The following IGF2BP1 variants were observed in gnomAD, a reference collection of about 807,000 sequenced individuals.
The protein encoded by IGF2BP1 is insulin-like growth factor 2 mRNA-binding protein 1.
In IGF2BP1, 11 loss-of-function variants were observed where a neutral mutation model predicts 74.9. That is an observed-to-expected ratio of 0.15 (90% CI 0.09 to 0.24). The LOEUF (loss-of-function observed/expected upper bound fraction) is 0.24, where lower values mean the gene tolerates loss of function less well. Ranked by LOEUF, IGF2BP1 falls within the 10% of genes least tolerant of loss-of-function variation. The pLI is 1.00. For synonymous variants in IGF2BP1, 287 were observed against 281.8 expected (o/e 1.02, Z -0.18); for missense variants, 440 against 757.4 (o/e 0.58, Z 4.92).
intron 12 of IGF2BP1, 43 bp from the exon 13 acceptor site, chr17:49,045,844 TCAC>T: frequency 6.3e-7 from 1 of 1,586,440 alleles, no homozygotes; most frequent in South Asian, 1.2e-5. Context: ...TTCTCTTTTG[TCAC>T]AGATATATGA....
chr17:49,045,109 A>G (rs774443973), intron 12 of IGF2BP1, 44 bp downstream of exon 12: 1 of 1,557,028 alleles, frequency 6.4e-7, no homozygotes, highest in Non-Finnish European at 8.9e-7. Context: ...GGAGGAATTG[A>G]GGTTGGGTAT....
chr17:49,042,518 A>C (rs2042063353), intron 9 of IGF2BP1, 141 bp downstream of exon 9: 1 of 857,626 alleles, frequency 1.2e-6, no homozygotes, highest in African/African-American at 1.7e-5. Context: ...CGACTATCAG[A>C]AATAGTATTT....
chr17:48,999,290 A>C, intron 2 of IGF2BP1, 121 bp downstream of exon 2: 1 of 647,120 alleles, frequency 1.5e-6, no homozygotes, highest in Non-Finnish European at 2.8e-6. Flanking sequence ...CCCACCCCCA[A>C]CTCCGGATGT....
intron 4 of IGF2BP1, among the ~76,000 whole-genome samples, chr17:49,027,015 AC>A (rs1375692110): frequency 7.2e-5 from 11 of 152,234 alleles, no homozygotes; most frequent in African/African-American, 2.7e-4. Flanking sequence ...TGCTGGGATT[AC>A]AGGCGTGAGC....
intron 2 of IGF2BP1, among the ~76,000 whole-genome samples, chr17:48,999,728 A>G (rs1013352837): frequency 2.7e-5 from 4 of 150,482 alleles, no homozygotes; most frequent in Non-Finnish European, 5.9e-5. Context: ...CCCACCCCCA[A>G]TCCCTCATAT....
At chr17:49,025,595 C>T (rs1324019599) in intron 2 of IGF2BP1, 23 bp from the exon 3 acceptor site, 1 of 1,610,186 alleles carries the variant, frequency 6.2e-7, no homozygotes, top group South Asian at 1.1e-5. Context: ...CTTTCTTTAA[C>T]TCTGCTCCCC....
chr17:49,035,037 A>G (rs1374953990), intron 5 of IGF2BP1, among the ~76,000 whole-genome samples: 1 of 152,248 alleles, frequency 6.6e-6, no homozygotes, highest in East Asian at 1.9e-4. Context: ...TAAAACTTAC[A>G]TCAAACTACG....
chr17:49,032,649 CTAA>C (rs2041938863), intron 5 of IGF2BP1, among the ~76,000 whole-genome samples: 1 of 152,184 alleles, frequency 6.6e-6, no homozygotes, highest in Non-Finnish European at 1.5e-5. Flanking sequence ...CTTCTCCAAT[CTAA>C]TAATACTATG....
chr17:49,042,299 C>T lies in IGF2BP1; in HGVS notation c.999C>T (p.Ile333=), dbSNP rs781124783. Residue 333 remains isoleucine (I), a synonymous_variant, in exon 9 of 15, where the codon ATC becomes ATT. Transcript: ENST00000290341. ...GGACCATCACTGTGAAGGGGGCCAT[C>T]GAGAATTGTTGCAGGGCCGAGCAGG... ...PERTITVKGA[I]ENCCRAEQEI... is the part of the protein sequence containing the mutation. The T allele has an allele frequency of 3.1e-5, 50 of 1,613,916 alleles. No individual in the cohort carries two copies. The highest frequency in any genetic ancestry group is 5.5e-5 in the South Asian group (5 of 91,076).
rs565371679 is a variant in IGF2BP1, at chr17:49,049,508, C to T, written c.*64C>T. 14 of 1,398,430 alleles carry T rather than the reference C, an allele frequency of 1.0e-5. No individual in the cohort carries two copies. The South Asian group carries it at 1.3e-4, about 13-fold the overall frequency. 86.6% of individuals were successfully genotyped at this position (1,398,430 alleles called of 1,614,324 possible). A position where few individuals can be genotyped will look rare whatever the true frequency, so the allele number is the denominator to read the frequency against. The stretch of plus-strand genomic sequence containing the variant: ...GGGCAGAAATCGAGAGTGTGCTCTC[C>T]CCGGCAGGCCTGAGAATGAGTGGGA... On this transcript the variant is annotated 3_prime_UTR_variant, in exon 15 of 15. Coordinates refer to ENST00000290341, the MANE Select transcript of IGF2BP1 (RefSeq NM_006546.4).
chr17:49,016,821 CCCCGCCTGTCCT>C (rs1212848319), intron 2 of IGF2BP1, among the ~76,000 whole-genome samples: 2 of 140,398 alleles, frequency 1.4e-5, no homozygotes, highest in African/African-American at 2.6e-5. Flanking sequence ...CCTCCTGCCC[CCCCGCCTGTCCT>C]CCCGCCTGTC....
At position 49,055,701 on chromosome 17, in the gene IGF2BP1, TGAA is replaced by T. The variant is rs1384132327; in HGVS notation, c.*6258_*6260del. 5.8e-5 allele frequency: 23 copies of T among 398,282 alleles called. No homozygotes were observed. The highest frequency in any genetic ancestry group is 4.3e-4 in the African/African-American group (21 of 48,554). 24.7% of individuals were successfully genotyped at this position (398,282 alleles called of 1,614,324 possible). A position where few individuals can be genotyped will look rare whatever the true frequency, so the allele number is the denominator to read the frequency against. ...TTGATCCTGGTCCCCAAAACCAGAG[TGAA>T]TCAAAAGAGCTTCCTCCCCTGAGGC... is the stretch of plus-strand genomic sequence containing the variant. On this transcript the variant is annotated 3_prime_UTR_variant, in exon 15 of 15. Coordinates refer to ENST00000290341, the MANE Select transcript of IGF2BP1 (RefSeq NM_006546.4).
chr17:49,051,874 C>G lies in IGF2BP1; in HGVS notation c.*2430C>G, dbSNP rs1416406372. 1.3e-5 allele frequency: 2 copies of G among 151,556 alleles called. No individual in the cohort carries two copies. The highest frequency in any genetic ancestry group is 2.9e-5 in the Non-Finnish European group (2 of 67,924). The allele number at this position is 151,556 out of a possible 1,614,324, so 9.4% of individuals were successfully genotyped here. ...ATTGTTTCATTTCAGTTCCGTCTTG[C>G]TATTCTTCCTAATCTATATCCATAG... On this transcript the variant is annotated 3_prime_UTR_variant, in exon 15 of 15. Transcript: ENST00000290341.
intron 14 of IGF2BP1, among the ~76,000 whole-genome samples, chr17:49,049,071 A>G (rs978942521): frequency 2.0e-5 from 3 of 152,102 alleles, no homozygotes; most frequent in African/African-American, 7.2e-5. Flanking sequence ...ATTCTGATGA[A>G]TGGATTGATA....
chr17:49,039,256 G>C (rs1290036974), intron 6 of IGF2BP1, among the ~76,000 whole-genome samples: 2 of 151,946 alleles, frequency 1.3e-5, no homozygotes, highest in African/African-American at 2.4e-5. Context: ...AGTAAATCTT[G>C]TTATTTACTT....
chr17:48,999,083 G>A lies in IGF2BP1; in HGVS notation c.176-26G>A, dbSNP rs1183796856. The A allele has an allele frequency of 4.5e-6, 6 of 1,341,506 alleles. No individual in the cohort carries two copies. In the African/African-American group the frequency reaches 8.8e-5, roughly 20 times the overall value. The allele number at this position is 1,341,506 out of a possible 1,614,324, so 83.1% of individuals were successfully genotyped here. The stretch of plus-strand genomic sequence containing the variant: ...CCCCAACCCCTGTTCAAGCTCTCAT[G>A]GTAATTTTTTTTTTTTAATCTTTAG... On this transcript the variant is annotated intron_variant, in intron 1 of 14. Coordinates refer to ENST00000290341, the MANE Select transcript of IGF2BP1 (RefSeq NM_006546.4).
chr17:49,038,595 A>G (rs2042014362), intron 6 of IGF2BP1, 146 bp downstream of exon 6: 3 of 815,330 alleles, frequency 3.7e-6, no homozygotes, highest in African/African-American at 1.8e-5. Context: ...CCTGCTTCCA[A>G]TACCAGCCTC....
chr17:48,998,130 C>A (rs926389089), intron 1 of IGF2BP1, among the ~76,000 whole-genome samples: 4 of 152,112 alleles, frequency 2.6e-5, no homozygotes, highest in African/African-American at 9.7e-5. Flanking sequence ...TTTCCTCATC[C>A]CTTTCTCCCA....
chr17:49,038,861 CCTT>C (rs1204673688), intron 6 of IGF2BP1, among the ~76,000 whole-genome samples: 7 of 148,900 alleles, frequency 4.7e-5, no homozygotes, highest in Non-Finnish European at 1.5e-5. Flanking sequence ...GCCACTGCCA[CCTT>C]CTTTCTTTAA....
Sources: gnomAD v4.1 joint callset for allele counts (sites outside exome capture counted in the v4.1 genomes callset) on GRCh38, gnomAD v4.1.1 for gene constraint, MANE v1.5 for transcripts, NCBI Gene and HGNC (gene_info 2026-07-23, HGNC 2026-07-21) for gene names.